AMN1: variants seen among roughly 807,000 people sequenced by gnomAD.
AMN1 encodes the protein antagonist of mitotic exit network 1 homolog.
Under a neutral mutation model 33.0 loss-of-function variants are expected in AMN1, and 20 were observed. That is an observed-to-expected ratio of 0.61 (90% CI 0.43 to 0.88). The LOEUF (loss-of-function observed/expected upper bound fraction) is 0.88. Among genes scored for constraint, AMN1 ranks in the 40% least tolerant of loss-of-function variants. The pLI, the probability that AMN1 is intolerant of heterozygous loss-of-function variation, is 0.00. For synonymous variants in AMN1, 114 were observed against 111.9 expected (o/e 1.02, Z -0.12); for missense variants, 246 against 307.4 (o/e 0.80, Z 1.49).
At chr12:31,707,786 G>GTTTT (rs1322956891) in intron 2 of AMN1, among the ~76,000 whole-genome samples, 4 of 152,182 alleles carry the variant, frequency 2.6e-5, no homozygotes, top group African/African-American at 9.7e-5. Flanking sequence ...GACAATGGTA[G>GTTTT]AAGATGTTTT....
At chr12:31,693,831 C>A (rs923925787) in intron 5 of AMN1, among the ~76,000 whole-genome samples, 12 of 151,916 alleles carry the variant, frequency 7.9e-5, no homozygotes, top group Admixed American at 7.9e-4. Context: ...TGTGAGCCAC[C>A]GCACCCAGCC....
chr12:31,689,216 A>T, intron 5 of AMN1, 98 bp from the exon 6 acceptor site: 1 of 812,048 alleles, frequency 1.2e-6, no homozygotes, highest in Non-Finnish European at 1.9e-6. Flanking sequence ...AAAGAACCAG[A>T]TATCTACTTG....
At chr12:31,679,959 T>C (rs959737112) in intron 6 of AMN1, among the ~76,000 whole-genome samples, 8 of 151,580 alleles carry the variant, frequency 5.3e-5, no homozygotes, top group Admixed American at 1.3e-4. Flanking sequence ...ACCCTGTCTC[T>C]ACTAAAAATA....
chr12:31,720,267 G>A (rs1939832953), intron 1 of AMN1, among the ~76,000 whole-genome samples: 1 of 152,214 alleles, frequency 6.6e-6, no homozygotes, highest in African/African-American at 2.4e-5. Context: ...CCTGCCGGGT[G>A]TGGTGGCTCC....
chr12:31,711,464 C>T (rs1213565973), intron 1 of AMN1, among the ~76,000 whole-genome samples: 1 of 152,088 alleles, frequency 6.6e-6, no homozygotes, highest in Non-Finnish European at 1.5e-5. Flanking sequence ...CTCACTATTA[C>T]TTTAACTTGT....
At chr12:31,689,860 C>T (rs1015286231) in intron 5 of AMN1, among the ~76,000 whole-genome samples, 1 of 152,118 alleles carries the variant, frequency 6.6e-6, no homozygotes. Context: ...AACCATCAAC[C>T]AAGCAGTATA....
rs551706330 is a variant in AMN1, at chr12:31,719,257, A to G, written c.38+9714T>C. 1.1e-4 allele frequency: 71 copies of G among 625,510 alleles called. No homozygotes were observed. In the South Asian group the frequency reaches 2.7e-3, roughly 24 times the overall value. 38.7% of individuals were successfully genotyped at this position (625,510 alleles called of 1,614,324 possible). A position where few individuals can be genotyped will look rare whatever the true frequency, so the allele number is the denominator to read the frequency against. On this transcript the variant is annotated intron_variant, in intron 1 of 6. Coordinates refer to ENST00000281471, the MANE Select transcript of AMN1 (RefSeq NM_001113402.2). Reference sequence around the variant, plus strand: ...CAGAAATCGCCCATCTTCTGCGTCAATCTTGCTGGGAGCTGCAGACTGGAG... The same window carrying G: ...CAGAAATCGCCCATCTTCTGCGTCAGTCTTGCTGGGAGCTGCAGACTGGAG...
At position 31,683,186 on chromosome 12, in the gene AMN1, C is replaced by T. The variant is rs1196603721; in HGVS notation, c.703+5821G>A. On this transcript the variant is annotated intron_variant, in intron 6 of 6. Coordinates refer to ENST00000281471, the MANE Select transcript of AMN1 (RefSeq NM_001113402.2). This position sits in a 1 kb window ranked among gnomAD's most constrained non-coding sequence, Gnocchi z 4.1. ...CCATATTGGCCAGGCTGGTCTCAAA[C>T]TCCTAATCTCAAGTGATCTGCCTGC... Among the ~76,000 whole-genome samples the T allele has an allele frequency of 6.6e-6, 1 of 152,164 alleles. No homozygotes were observed. Among genetic ancestry groups the T allele is most frequent in the Non-Finnish European group, 1.5e-5 (1 of 68,024 alleles).
chr12:31,703,455 TC>T (rs1000434325), intron 2 of AMN1, among the ~76,000 whole-genome samples: 3 of 152,092 alleles, frequency 2.0e-5, no homozygotes, highest in African/African-American at 7.2e-5. Context: ...CCTTCCTCCT[TC>T]CTCCCTTTTG....
chr12:31,721,910 A>G (rs760385169), intron 1 of AMN1, among the ~76,000 whole-genome samples: 6 of 152,178 alleles, frequency 3.9e-5, no homozygotes, highest in East Asian at 3.8e-4. Flanking sequence ...TGCTGCCAGG[A>G]TCAGCAGTCT....
chr12:31,691,498 T>A (rs1203677806), intron 5 of AMN1, among the ~76,000 whole-genome samples: 1 of 152,094 alleles, frequency 6.6e-6, no homozygotes, highest in East Asian at 1.9e-4. Flanking sequence ...TATGGCTGTA[T>A]AACAATTACC....
At position 31,689,133 on chromosome 12, in the gene AMN1, A is replaced by G; in HGVS notation, c.592-15T>C. 1 of 1,536,082 alleles carries G rather than the reference A, an allele frequency of 6.5e-7. No individual in the cohort carries two copies. Among genetic ancestry groups the G allele is most frequent in the Non-Finnish European group, 9.0e-7 (1 of 1,114,640 alleles). On this transcript the variant is annotated splice_polypyrimidine_tract_variant and intron_variant, in intron 5 of 6. Coordinates refer to ENST00000281471, the MANE Select transcript of AMN1 (RefSeq NM_001113402.2). Reference sequence around the variant, plus strand: ...ATATGAATCTCCTATGCAAAAATAAAGAAAATAAAGTCAAATGAAAACAAA... The same window carrying G: ...ATATGAATCTCCTATGCAAAAATAAGGAAAATAAAGTCAAATGAAAACAAA...
chr12:31,709,549 T>G (rs1301144669), intron 1 of AMN1, 124 bp from the exon 2 acceptor site: 71 of 1,221,588 alleles, frequency 5.8e-5, no homozygotes, highest in Non-Finnish European at 7.9e-5. Flanking sequence ...CTGGGTGTGG[T>G]GGCTCACGCC....
At chr12:31,682,715 T>C (rs1938077379) in intron 6 of AMN1, among the ~76,000 whole-genome samples, 1 of 152,250 alleles carries the variant, frequency 6.6e-6, no homozygotes, top group Non-Finnish European at 1.5e-5. Context: ...AACATTTGAT[T>C]TGGTGATGAT....
rs2139662696 is a variant in AMN1 at position 31,683,405 on chromosome 12, T to C, written c.703+5602A>G. Reference sequence around the variant, plus strand: ...GGTTGTGAACTGAACTAGTTACTTTTCTCATGGAACACCATTTTTACTTTT... The same window carrying C: ...GGTTGTGAACTGAACTAGTTACTTTCCTCATGGAACACCATTTTTACTTTT... On this transcript the variant is annotated intron_variant, in intron 6 of 6. Coordinates refer to ENST00000281471, the MANE Select transcript of AMN1 (RefSeq NM_001113402.2). This position sits in a 1 kb window ranked among gnomAD's most constrained non-coding sequence, Gnocchi z 4.1. 1.3e-5 allele frequency among the ~76,000 whole-genome samples: 2 copies of C among 152,340 alleles called. No homozygotes were observed. Among genetic ancestry groups the C allele is most frequent in the South Asian group, 4.1e-4 (2 of 4,834 alleles).
intron 6 of AMN1, among the ~76,000 whole-genome samples, chr12:31,678,475 C>T (rs1937839846): frequency 6.6e-6 from 1 of 151,804 alleles, no homozygotes; most frequent in Non-Finnish European, 1.5e-5. Flanking sequence ...CAGCTCACTG[C>T]AACCTCCGTC....
chr12:31,722,175 A>C (rs1205100533), intron 1 of AMN1, among the ~76,000 whole-genome samples: 33 of 142,162 alleles, frequency 2.3e-4, no homozygotes, highest in African/African-American at 8.1e-4. Flanking sequence ...ACACACACAC[A>C]CCTGGGGCTA....
chr12:31,689,551 A>G (rs559968357), intron 5 of AMN1, among the ~76,000 whole-genome samples: 1 of 152,308 alleles, frequency 6.6e-6, no homozygotes, highest in Non-Finnish European at 1.5e-5. Context: ...TAAATCTCAA[A>G]CATGTTAGTT....
chr12:31,707,902 T>C (rs1939310530), intron 2 of AMN1, among the ~76,000 whole-genome samples: 2 of 152,212 alleles, frequency 1.3e-5, no homozygotes. Flanking sequence ...CATTTATCAC[T>C]TCCCAAATAA....
Sources: gnomAD v4.1 joint callset for allele counts (sites outside exome capture counted in the v4.1 genomes callset) on GRCh38, gnomAD v4.1.1 for gene constraint, Gnocchi (gnomAD v3.1) non-coding constraint, MANE v1.5 for transcripts, NCBI Gene and HGNC (gene_info 2026-07-23, HGNC 2026-07-21) for gene names.